DNAH12: variants seen among roughly 807,000 people sequenced by gnomAD.
The protein encoded by DNAH12 is dynein axonemal heavy chain 12.
DNAH12 carries 285 observed loss-of-function variants against 371.5 expected under a neutral mutation model. That is an observed-to-expected ratio of 0.77 (90% CI 0.70 to 0.85). DNAH12 has a LOEUF of 0.85. Among genes scored for constraint, DNAH12 ranks in the 40% least tolerant of loss-of-function variants. The pLI is 0.00. For missense variants in DNAH12, 3,611 were observed against 3,689.4 expected (o/e 0.98, Z 0.55); for synonymous variants, 1,200 against 1,213.0 (o/e 0.99, Z 0.22).
chr3:57,524,239 C>T (rs2068556656), intron 2 of DNAH12, among the ~76,000 whole-genome samples: 1 of 152,056 alleles, frequency 6.6e-6, no homozygotes, highest in African/African-American at 2.4e-5. Context: ...TTAAGTAGTA[C>T]CTCCTTCGAT....
rs143124817 is a variant in DNAH12 at position 57,472,110 on chromosome 3, G to A, written c.1776+436C>T. ...ATTCAGGTTAAACTGATTTACATTA[G>A]GACTTTTTCAATATCTGAAATATAT... On this transcript the variant is annotated intron_variant, in intron 14 of 73. Coordinates refer to ENST00000495027, the MANE Select transcript of DNAH12 (RefSeq NM_001366028.2). 1.8e-3 allele frequency among the ~76,000 whole-genome samples: 271 copies of A among 152,044 alleles called. 1 individual carries two copies. The highest frequency in any genetic ancestry group is 6.3e-3 in the African/African-American group (261 of 41,490).
chr3:57,415,343 C>T, intron 38 of DNAH12, 83 bp downstream of exon 38: 2 of 1,467,878 alleles, frequency 1.4e-6, no homozygotes, highest in Non-Finnish European at 1.8e-6. Flanking sequence ...TACACAGTTG[C>T]TTATTTAATG....
intron 11 of DNAH12, among the ~76,000 whole-genome samples, chr3:57,492,902 G>A (rs1355445456): frequency 6.6e-6 from 1 of 152,132 alleles, no homozygotes; most frequent in African/African-American, 2.4e-5. Flanking sequence ...CTACTCAGGA[G>A]GCTGAGGCAG....
chr3:57,349,139 A>C (rs2062612357), intron 60 of DNAH12, among the ~76,000 whole-genome samples: 1 of 152,192 alleles, frequency 6.6e-6, no homozygotes, highest in African/African-American at 2.4e-5. Context: ...AAAAAAAGCC[A>C]AACAATCTCA....
intron 55 of DNAH12, 41 bp downstream of exon 55, chr3:57,375,330 A>G (rs1217528641): frequency 6.6e-6 from 1 of 152,164 alleles, no homozygotes; most frequent in Non-Finnish European, 1.5e-5. Flanking sequence ...GAAAACTTTC[A>G]AACAGAACAA....
Position 57,461,626 on chromosome 3 carries a change from T to A in DNAH12, c.2599A>T (p.Ile867Leu). The change falls in exon 19 of 74, where the codon ATA becomes TTA. Residue 867 changes from isoleucine (I) to leucine (L), a missense_variant. Coordinates refer to ENST00000495027, the MANE Select transcript of DNAH12 (RefSeq NM_001366028.2). ...ACTCCAGTGTCACGATACAGACTTA[T>A]ATGAAAAGCAATATCTTCCCAAGTT... is the stretch of plus-strand genomic sequence containing the variant. ...IGTWEDIAFH[I>L]SLYRDTGVCI... 6.4e-7 allele frequency: 1 copy of A among 1,551,340 alleles called. No homozygotes were observed. Among genetic ancestry groups the A allele is most frequent in the Non-Finnish European group, 8.7e-7 (1 of 1,146,840 alleles).
At chr3:57,451,640 G>GAACAA (rs2065758164) in intron 25 of DNAH12, among the ~76,000 whole-genome samples, 2 of 152,058 alleles carry the variant, frequency 1.3e-5, no homozygotes, top group South Asian at 2.1e-4. Context: ...TTCTGTCTCA[G>GAACAA]AACAAAACAA....
At chr3:57,339,382 A>T (rs1482167811) in intron 60 of DNAH12, among the ~76,000 whole-genome samples, 1 of 81,980 alleles carries the variant, frequency 1.2e-5, no homozygotes, top group Non-Finnish European at 2.8e-5. Flanking sequence ...ATAAATACTA[A>T]AAAAAAAAAA....
At chr3:57,501,495 G>A (rs1340435290) in intron 10 of DNAH12, 83 bp from the exon 11 acceptor site, 5 of 894,072 alleles carry the variant, frequency 5.6e-6, no homozygotes, top group East Asian at 5.8e-5. Flanking sequence ...CATGGAATGG[G>A]GACCTACTCA....
chr3:57,505,410 A>C (rs1378050969), intron 8 of DNAH12, among the ~76,000 whole-genome samples: 21 of 151,548 alleles, frequency 1.4e-4, no homozygotes, highest in Admixed American at 1.4e-3. Context: ...TTATATGCAA[A>C]CCCTAATTTT....
rs141516402 is a variant in DNAH12 at position 57,476,495 on chromosome 3, C to T, written c.1651-3824G>A. ...AGGAGAATCACTTGAACCCAGGAGG[C>T]GGAGGTTGCAGTGAGCCAAAACCTC... On this transcript the variant is annotated intron_variant, in intron 13 of 73. Transcript: ENST00000495027. Among the ~76,000 whole-genome samples, 21 of 152,164 alleles carry T rather than the reference C, an allele frequency of 1.4e-4. No homozygotes were observed. In the East Asian group the frequency reaches 3.3e-3, roughly 24 times the overall value.
chr3:57,511,188 T>C (rs568262255), intron 4 of DNAH12, among the ~76,000 whole-genome samples: 1 of 152,286 alleles, frequency 6.6e-6, no homozygotes, highest in Admixed American at 6.5e-5. Flanking sequence ...TCTTGCCAAA[T>C]TAATATTCTT....
intron 69 of DNAH12, among the ~76,000 whole-genome samples, chr3:57,302,565 G>GTTTTTTTT (rs1407756841): frequency 1.4e-4 from 4 of 28,848 alleles, no homozygotes; most frequent in Non-Finnish European, 1.8e-4. Flanking sequence ...ATATATATAT[G>GTTTTTTTT]TATTTTTTTT....
Position 57,457,953 on chromosome 3 carries a change from T to C in DNAH12, c.3104A>G (p.Lys1035Arg). 1 of 1,551,658 alleles carries C rather than the reference T, an allele frequency of 6.4e-7. No individual in the cohort carries two copies. The highest frequency in any genetic ancestry group is 2.4e-5 in the East Asian group (1 of 40,926). Residue 1035 changes from lysine to arginine, a missense_variant, in exon 22 of 74, where the codon AAA becomes AGA. Coordinates refer to ENST00000495027, the MANE Select transcript of DNAH12 (RefSeq NM_001366028.2). ...ATGTGGCTGAACTCTAAGTGGATCT[T>C]TGGTCTCTGATAAAATCTCTAACAT... is the stretch of plus-strand genomic sequence containing the variant. ...DEMLEILSETKDPLRVQPHLK... is the reference protein window; with the variant it reads ...DEMLEILSETRDPLRVQPHLK...
chr3:57,324,716 G>A (rs1278179114), intron 62 of DNAH12, among the ~76,000 whole-genome samples: 1 of 152,204 alleles, frequency 6.6e-6, no homozygotes. Flanking sequence ...CCAGACAGTG[G>A]GCGCAGGTCA....
At chr3:57,378,440 G>GGTACAT (rs2063325282) in intron 52 of DNAH12, among the ~76,000 whole-genome samples, 1 of 151,922 alleles carries the variant, frequency 6.6e-6, no homozygotes, top group Non-Finnish European at 1.5e-5. Flanking sequence ...TCTCTCTACA[G>GGTACAT]GTACATGTAC....
chr3:57,379,843 A>C (rs908428533), intron 51 of DNAH12, among the ~76,000 whole-genome samples: 58 of 64,242 alleles, frequency 9.0e-4, no homozygotes, highest in African/African-American at 5.9e-3. Flanking sequence ...TCTGTCTCCC[A>C]AAAAAAAAAA....
chr3:57,516,078 T>TC (rs2068183782), intron 4 of DNAH12, among the ~76,000 whole-genome samples: 2 of 145,828 alleles, frequency 1.4e-5, no homozygotes, highest in African/African-American at 5.1e-5. Flanking sequence ...TTTTTTTTTT[T>TC]CTTCAGATGG....
chr3:57,367,448 G>C (rs1415612883), intron 56 of DNAH12, among the ~76,000 whole-genome samples: 1 of 152,190 alleles, frequency 6.6e-6, no homozygotes, highest in Non-Finnish European at 1.5e-5. Flanking sequence ...GGTTGTCATA[G>C]AGCTTTGTAA....
Sources: allele counts gnomAD v4.1 joint callset (sites outside exome capture counted in the v4.1 genomes callset), GRCh38; gene constraint gnomAD v4.1.1; transcripts MANE v1.5; gene names NCBI Gene and HGNC (gene_info 2026-07-23, HGNC 2026-07-21).